Variants in SLCO1B3 observed in about 807,000 individuals in gnomAD.
The protein encoded by SLCO1B3 is solute carrier organic anion transporter family member 1B3.
A neutral mutation model predicts 71.8 loss-of-function variants in SLCO1B3; 72 were observed. The ratio of observed to expected loss-of-function variants is 1.00; its 90% CI spans 0.83 to 1.22. SLCO1B3 has a LOEUF of 1.22. Ranked by LOEUF, SLCO1B3 falls within the 50% of genes most tolerant of loss-of-function variation. The pLI is 0.00. For missense variants in SLCO1B3, 911 were observed against 819.7 expected, an observed-to-expected ratio of 1.11 and a Z score of -1.36; for synonymous variants, 298 against 278.4, an observed-to-expected ratio of 1.07 and a Z score of -0.70.
intron 8 of SLCO1B3, among the ~76,000 whole-genome samples, chr12:20,864,824 C>G (rs1051303493): frequency 2.4e-4 from 37 of 152,128 alleles, no homozygotes; most frequent in African/African-American, 8.4e-4. Context: ...AATTTTAATT[C>G]CTACAGGATC....
At chr12:20,845,376 G>A in intron 3 of SLCO1B3, 1 of 212,060 alleles carries the variant, frequency 4.7e-6, no homozygotes, top group Admixed American at 5.6e-5. Flanking sequence ...AAAGTCAGCT[G>A]TCCTGGCTAT....
At chr12:20,845,322 C>T in intron 3 of SLCO1B3, 1 of 290,034 alleles carries the variant, frequency 3.4e-6, no homozygotes, top group Non-Finnish European at 6.7e-6. Flanking sequence ...TGAGTAGAAA[C>T]ATCATCAGTC....
intron 15 of SLCO1B3, among the ~76,000 whole-genome samples, chr12:20,912,301 TTTTATTTATTTATTTA>T (rs142241896): frequency 0.78 from 108,273 of 139,596 alleles, 46,233 homozygotes; most frequent in Non-Finnish European, 0.94. Flanking sequence ...TTATTTTTAT[TTTTATTTATTTATTTA>T]TTTATTTATT....
chr12:20,907,037 TTTAC>T (rs1866260279), intron 15 of SLCO1B3, among the ~76,000 whole-genome samples: 1 of 152,128 alleles, frequency 6.6e-6, no homozygotes, highest in Admixed American at 6.5e-5. Flanking sequence ...GAAAAATCTT[TTTAC>T]TTACTAATAT....
chr12:20,909,482 C>A (rs957741629), intron 15 of SLCO1B3, among the ~76,000 whole-genome samples: 1 of 151,778 alleles, frequency 6.6e-6, no homozygotes, highest in Non-Finnish European at 1.5e-5. Context: ...CATGAAGCAT[C>A]TTCTTATATG....
intron 3 of SLCO1B3, among the ~76,000 whole-genome samples, chr12:20,854,266 G>A (rs939215234): frequency 6.6e-6 from 1 of 151,654 alleles, no homozygotes; most frequent in African/African-American, 2.4e-5. Flanking sequence ...AGTCTCCCTG[G>A]TTGTTCTGTA....
At chr12:20,831,962 T>C (rs546137702) in intron 3 of SLCO1B3, among the ~76,000 whole-genome samples, 3 of 152,244 alleles carry the variant, frequency 2.0e-5, no homozygotes, top group African/African-American at 7.2e-5. Context: ...CCTTTGCAGA[T>C]GAAAAAAACC....
chr12:20,818,502 C>T (rs571154083), intron 3 of SLCO1B3, among the ~76,000 whole-genome samples: 27 of 151,970 alleles, frequency 1.8e-4, no homozygotes, highest in African/African-American at 3.9e-4. Context: ...TTTTGGGACT[C>T]GGGGTATGTT....
intron 3 of SLCO1B3, among the ~76,000 whole-genome samples, chr12:20,834,167 C>CTATG (rs1555152351): frequency 6.9e-6 from 1 of 144,310 alleles, no homozygotes; most frequent in Non-Finnish European, 1.5e-5. Flanking sequence ...ATATATCAAA[C>CTATG]TATGTATGTA....
At chr12:20,832,048 C>A (rs1361415378) in intron 3 of SLCO1B3, among the ~76,000 whole-genome samples, 1 of 152,188 alleles carries the variant, frequency 6.6e-6, no homozygotes, top group Non-Finnish European at 1.5e-5. Flanking sequence ...TGAATTCAGG[C>A]AGTCTGATTC....
At chr12:20,838,740 G>A (rs1190205301) in intron 3 of SLCO1B3, among the ~76,000 whole-genome samples, 1 of 151,854 alleles carries the variant, frequency 6.6e-6, no homozygotes, top group Non-Finnish European at 1.5e-5. Flanking sequence ...AATCTAATGG[G>A]ACCACTATCA....
intron 14 of SLCO1B3, among the ~76,000 whole-genome samples, chr12:20,901,101 T>C (rs1333237618): frequency 1.3e-5 from 2 of 152,134 alleles, no homozygotes; most frequent in African/African-American, 4.8e-5. Flanking sequence ...TATAGGCATA[T>C]AATACTCTTT....
chr12:20,850,333 G>T (rs910680166), intron 3 of SLCO1B3, among the ~76,000 whole-genome samples: 4 of 151,074 alleles, frequency 2.6e-5, no homozygotes, highest in African/African-American at 9.7e-5. Flanking sequence ...AGGCTGGAGT[G>T]CCATGGCGCA....
chr12:20,869,218 C>T (rs1865432324), intron 8 of SLCO1B3, among the ~76,000 whole-genome samples: 1 of 152,190 alleles, frequency 6.6e-6, no homozygotes, highest in African/African-American at 2.4e-5. Context: ...AGACTGTGGT[C>T]CGCCTGGCAA....
At chr12:20,826,787 C>G (rs1250300063) in intron 3 of SLCO1B3, among the ~76,000 whole-genome samples, 1 of 151,870 alleles carries the variant, frequency 6.6e-6, no homozygotes, top group African/African-American at 2.4e-5. Context: ...CTGTGTATCT[C>G]TCTTATATAC....
intron 3 of SLCO1B3, among the ~76,000 whole-genome samples, chr12:20,827,113 C>T (rs1054160542): frequency 1.3e-5 from 2 of 151,162 alleles, no homozygotes; most frequent in Admixed American, 6.6e-5. Context: ...ATTTTCAATG[C>T]ATTATTTTTA....
At chr12:20,881,558 A>T (rs1310942550) in intron 12 of SLCO1B3, among the ~76,000 whole-genome samples, 2 of 152,058 alleles carry the variant, frequency 1.3e-5, no homozygotes, top group African/African-American at 4.8e-5. Flanking sequence ...CCTATTCTTG[A>T]TTTCCTATTT....
chr12:20,893,103 T>C (rs1420485199), intron 13 of SLCO1B3, among the ~76,000 whole-genome samples: 2 of 152,134 alleles, frequency 1.3e-5, no homozygotes, highest in Non-Finnish European at 2.9e-5. Context: ...GGGCTGGAGC[T>C]TCTTGTAACA....
chr12:20,881,192 A>T (rs564774886), intron 12 of SLCO1B3, among the ~76,000 whole-genome samples, 172 bp downstream of exon 12: 1 of 152,310 alleles, frequency 6.6e-6, no homozygotes, highest in African/African-American at 2.4e-5. Context: ...AAAGCTTCAT[A>T]TAAAACTCTG....
Sources: gnomAD v4.1 joint callset for allele counts (sites outside exome capture counted in the v4.1 genomes callset) on GRCh38, gnomAD v4.1.1 for gene constraint, MANE v1.5 for transcripts, NCBI Gene and HGNC (gene_info 2026-07-23, HGNC 2026-07-21) for gene names.